Variants in PAM observed in about 807,000 individuals in gnomAD.
The protein encoded by PAM is peptidyl-glycine alpha-amidating monooxygenase.
A neutral mutation model predicts 122.1 loss-of-function variants in PAM; 72 were observed. The observed-to-expected ratio is 0.59, with a 90% confidence interval of 0.49 to 0.72. The LOEUF (loss-of-function observed/expected upper bound fraction) is 0.72. PAM is among the 30% of genes least tolerant of loss of function. The probability of loss-of-function intolerance (pLI) is 0.00; values close to 1 mark genes in which losing one functional copy is unlikely to be tolerated. For synonymous variants in PAM, 389 were observed against 404.4 expected (o/e 0.96, Z 0.46); for missense variants, 1,106 against 1,183.7 (o/e 0.93, Z 0.96).
intron 5 of PAM, among the ~76,000 whole-genome samples, chr5:102,922,957 A>T (rs1366433153): frequency 6.6e-6 from 1 of 152,180 alleles, no homozygotes; most frequent in African/African-American, 2.4e-5. Context: ...TGTCACAGAC[A>T]TTTCTTCCAA....
At chr5:102,802,470 C>T (rs1765043077) in intron 1 of PAM, among the ~76,000 whole-genome samples, 1 of 151,988 alleles carries the variant, frequency 6.6e-6, no homozygotes, top group Non-Finnish European at 1.5e-5. Context: ...AGAAAAGGAC[C>T]CATACATGGG....
intron 3 of PAM, among the ~76,000 whole-genome samples, chr5:102,879,232 A>G (rs1184946072): frequency 1.3e-5 from 2 of 152,116 alleles, no homozygotes; most frequent in Non-Finnish European, 2.9e-5. Context: ...ACACCCAACC[A>G]GAAAAATGCT....
intron 1 of PAM, among the ~76,000 whole-genome samples, chr5:102,837,008 T>A (rs1020880100): frequency 2.6e-5 from 4 of 152,080 alleles, no homozygotes; most frequent in Non-Finnish European, 4.4e-5. Context: ...CTCTTTTTCT[T>A]TACAGTAGCC....
At chr5:102,970,591 A>G (rs1765519181) in intron 14 of PAM, among the ~76,000 whole-genome samples, 3 of 152,132 alleles carry the variant, frequency 2.0e-5, no homozygotes, top group Admixed American at 2.0e-4. Context: ...AAGAGAGAAG[A>G]CAGGAGAGGC....
intron 14 of PAM, among the ~76,000 whole-genome samples, chr5:102,968,225 A>G (rs1461926029): frequency 6.6e-6 from 1 of 152,186 alleles, no homozygotes; most frequent in Non-Finnish European, 1.5e-5. Context: ...TTTTATAGTA[A>G]GATTGATAAG....
intron 1 of PAM, among the ~76,000 whole-genome samples, chr5:102,778,127 A>G (rs1757681851): frequency 6.6e-6 from 1 of 152,176 alleles, no homozygotes; most frequent in Non-Finnish European, 1.5e-5. Context: ...ACCATAGAGA[A>G]TTAAAAAGGA....
intron 1 of PAM, among the ~76,000 whole-genome samples, chr5:102,834,662 G>A (rs988153603): frequency 5.3e-5 from 8 of 152,150 alleles, no homozygotes; most frequent in Non-Finnish European, 7.4e-5. Context: ...CATTGGGTGA[G>A]CATATTCTTG....
At position 102,796,385 on chromosome 5, in the gene PAM, T is replaced by C. The variant is rs193294295; in HGVS notation, c.-374+41037T>C. On this transcript the variant is annotated intron_variant, in intron 1 of 25. Transcript: ENST00000438793. Reference sequence around the variant, plus strand: ...ATGTTTATTTATTTCCCAGATGTCATCCCAGAGTTTGGGCAATGAGATTGG... The same window carrying C: ...ATGTTTATTTATTTCCCAGATGTCACCCCAGAGTTTGGGCAATGAGATTGG... Among the ~76,000 whole-genome samples the C allele has an allele frequency of 3.3e-5, 5 of 152,290 alleles. No homozygotes were observed. In the East Asian group the frequency reaches 5.8e-4, roughly 18 times the overall value.
chr5:102,873,849 G>T (rs1788309127), intron 3 of PAM: 1 of 152,120 alleles, frequency 6.6e-6, no homozygotes, highest in South Asian at 2.1e-4. Flanking sequence ...GGCTTTTAGT[G>T]TTTCGTTTTC....
chr5:102,863,304 A>G (rs1019402542), intron 1 of PAM, among the ~76,000 whole-genome samples: 2 of 152,092 alleles, frequency 1.3e-5, no homozygotes, highest in Non-Finnish European at 2.9e-5. Context: ...TGCTCCTGCC[A>G]TTTCCCTGTA....
At chr5:102,785,177 A>C (rs1024640898) in intron 1 of PAM, among the ~76,000 whole-genome samples, 1 of 152,204 alleles carries the variant, frequency 6.6e-6, no homozygotes, top group Non-Finnish European at 1.5e-5. Flanking sequence ...AAAAGTAGTG[A>C]TGCTAGCCCA....
intron 1 of PAM, among the ~76,000 whole-genome samples, chr5:102,839,848 C>G (rs1463391605): frequency 6.6e-6 from 1 of 152,122 alleles, no homozygotes. Flanking sequence ...ATTATAAAAA[C>G]TCTTAAGAAA....
At chr5:102,816,016 CG>C (rs1769655549) in intron 1 of PAM, among the ~76,000 whole-genome samples, 2 of 151,924 alleles carry the variant, frequency 1.3e-5, no homozygotes, top group African/African-American at 2.4e-5. Context: ...TTGGGTTTAG[CG>C]GTTTTTAAAC....
chr5:102,974,359 G>A lies in PAM; in HGVS notation c.1406G>A (p.Arg469Lys). Residue 469 changes from arginine (R) to lysine (K), a missense_variant, in exon 15 of 26, where the codon AGG (arginine) becomes AAG (lysine). Around this residue, in one of 3 missense-constraint regions of PAM, gnomAD observed 670 missense variants for 690.3 expected, o/e 0.97. Transcript: ENST00000438793. ...TTCCACAGACTAGTATCTACCTTGA[G>A]GCCACCAGAGAGCAGAGTTTTCTCA... ...HKFHRLVSTL[R>K]PPESRVFSLQ... is the part of the protein sequence containing the mutation. The A allele has an allele frequency of 1.2e-6, 2 of 1,614,040 alleles. No homozygotes were observed. The highest frequency in any genetic ancestry group is 1.7e-6 in the Non-Finnish European group (2 of 1,179,948).
intron 15 of PAM, among the ~76,000 whole-genome samples, chr5:102,984,289 A>T (rs1278198718): frequency 6.6e-6 from 1 of 152,250 alleles, no homozygotes. Flanking sequence ...ACTTATATAG[A>T]CTGCCTTAAT....
At chr5:102,932,098 G>C (rs1321215531) in intron 7 of PAM, among the ~76,000 whole-genome samples, 1 of 152,158 alleles carries the variant, frequency 6.6e-6, no homozygotes, top group Non-Finnish European at 1.5e-5. Flanking sequence ...AGAACACTCA[G>C]AGGATGATTG....
At chr5:102,969,047 T>A (rs1764978511) in intron 14 of PAM, among the ~76,000 whole-genome samples, 1 of 151,754 alleles carries the variant, frequency 6.6e-6, no homozygotes. Context: ...ATGAGAACAC[T>A]TGGGAACAGG....
intron 17 of PAM, among the ~76,000 whole-genome samples, chr5:103,003,521 C>T (rs1215095288): frequency 6.6e-6 from 1 of 152,076 alleles, no homozygotes; most frequent in Non-Finnish European, 1.5e-5. Flanking sequence ...TTTAATCTCT[C>T]CACATTGTAT....
intron 1 of PAM, among the ~76,000 whole-genome samples, chr5:102,810,538 TAAG>T (rs1767592971): frequency 6.6e-6 from 1 of 152,120 alleles, no homozygotes; most frequent in South Asian, 2.1e-4. Context: ...ACTAGAAAGA[TAAG>T]AAGTTAAGGC....
Sources: gnomAD v4.1 joint callset for allele counts (sites outside exome capture counted in the v4.1 genomes callset) on GRCh38, gnomAD v4.1.1 for gene constraint, gnomAD v4.1.1 regional missense constraint, MANE v1.5 for transcripts, NCBI Gene and HGNC (gene_info 2026-07-23, HGNC 2026-07-21) for gene names.